Variants in LRRC4C observed in about 807,000 individuals in gnomAD.
The protein encoded by LRRC4C is leucine-rich repeat-containing protein 4C.
Under a neutral mutation model 33.6 loss-of-function variants are expected in LRRC4C, and 5 were observed. The ratio of observed to expected loss-of-function variants is 0.15; its 90% CI spans 0.08 to 0.31. LRRC4C has a LOEUF of 0.31. Ranked by LOEUF, LRRC4C falls within the 10% of genes least tolerant of loss-of-function variation. The pLI, the probability that LRRC4C is intolerant of heterozygous loss-of-function variation, is 1.00. For missense variants in LRRC4C, 560 were observed against 796.7 expected, an observed-to-expected ratio of 0.70 and a Z score of 3.58; for synonymous variants, 329 against 302.0, an observed-to-expected ratio of 1.09 and a Z score of -0.93.
At chr11:41,434,474 T>G (rs1955354730) in intron 1 of LRRC4C, among the ~76,000 whole-genome samples, 1 of 152,146 alleles carries the variant, frequency 6.6e-6, no homozygotes, top group Non-Finnish European at 1.5e-5. Context: ...GCCTCATTTT[T>G]GTATCTGCGA....
At chr11:41,164,188 T>A (rs796809759) in intron 1 of LRRC4C, among the ~76,000 whole-genome samples, 1 of 26,004 alleles carries the variant, frequency 3.8e-5, no homozygotes. Flanking sequence ...TTTTACCTTT[T>A]TTATTTTTTT....
chr11:40,209,206 C>T (rs1863396639), intron 5 of LRRC4C, among the ~76,000 whole-genome samples: 1 of 152,106 alleles, frequency 6.6e-6, no homozygotes, highest in Non-Finnish European at 1.5e-5. Context: ...GTTTATGCTT[C>T]CCCCAAGGTA....
intron 2 of LRRC4C, among the ~76,000 whole-genome samples, chr11:40,828,185 A>C: frequency 6.6e-6 from 1 of 151,130 alleles, no homozygotes; most frequent in East Asian, 1.9e-4. Context: ...ACACTCAAAA[A>C]CTAAATACAA....
intron 1 of LRRC4C, among the ~76,000 whole-genome samples, chr11:41,193,131 C>A (rs1946033774): frequency 6.6e-6 from 1 of 152,098 alleles, no homozygotes; most frequent in Admixed American, 6.6e-5. Context: ...TAAATACTAG[C>A]TACCAATCTT....
intron 3 of LRRC4C, among the ~76,000 whole-genome samples, chr11:40,544,202 C>T (rs556648429): frequency 1.3e-5 from 2 of 152,142 alleles, no homozygotes; most frequent in African/African-American, 4.8e-5. Flanking sequence ...AAAGGGCACC[C>T]ACACTTATCC....
chr11:40,210,549 T>C (rs1219190565), intron 5 of LRRC4C, among the ~76,000 whole-genome samples: 4 of 152,158 alleles, frequency 2.6e-5, no homozygotes, highest in Admixed American at 6.5e-5. Flanking sequence ...CTTCAAAGTT[T>C]TGAAAAATTA....
chr11:40,552,480 A>G (rs1957164558), intron 3 of LRRC4C, among the ~76,000 whole-genome samples: 1 of 152,154 alleles, frequency 6.6e-6, no homozygotes, highest in Non-Finnish European at 1.5e-5. Flanking sequence ...AAATCTCTAT[A>G]TTTAAGGAAC....
At chr11:40,170,796 T>C (rs1859983038) in intron 5 of LRRC4C, among the ~76,000 whole-genome samples, 1 of 152,180 alleles carries the variant, frequency 6.6e-6, no homozygotes, top group Admixed American at 6.5e-5. Flanking sequence ...TTCCAACACA[T>C]GAGCAAGAAA....
intron 1 of LRRC4C, among the ~76,000 whole-genome samples, chr11:41,117,024 A>G (rs1403503237): frequency 7.0e-6 from 1 of 142,500 alleles, no homozygotes; most frequent in Admixed American, 7.7e-5. Context: ...TGCTTTGGCC[A>G]GTAGAATGTC....
chr11:40,461,054 T>C (rs758709547), intron 3 of LRRC4C, among the ~76,000 whole-genome samples: 1 of 152,102 alleles, frequency 6.6e-6, no homozygotes, highest in African/African-American at 2.4e-5. Context: ...TGCCCAAGCC[T>C]AAAGTTTAAA....
chr11:41,420,058 T>C (rs1424335467), intron 1 of LRRC4C, among the ~76,000 whole-genome samples: 1 of 151,950 alleles, frequency 6.6e-6, no homozygotes, highest in Non-Finnish European at 1.5e-5. Flanking sequence ...TCGGGGAACA[T>C]CCTGCTTTGT....
At chr11:40,363,933 T>C (rs917177548) in intron 3 of LRRC4C, among the ~76,000 whole-genome samples, 1 of 152,220 alleles carries the variant, frequency 6.6e-6, no homozygotes, top group African/African-American at 2.4e-5. Context: ...CTGATTATAA[T>C]ATTTTTTGCT....
At chr11:41,019,650 G>T (rs570799380) in intron 1 of LRRC4C, among the ~76,000 whole-genome samples, 3 of 152,064 alleles carry the variant, frequency 2.0e-5, no homozygotes, top group African/African-American at 7.2e-5. Context: ...GTGTAAAAGC[G>T]TTCTTATTTA....
chr11:40,486,080 C>T (rs1439185644), intron 3 of LRRC4C, among the ~76,000 whole-genome samples: 1 of 149,360 alleles, frequency 6.7e-6, no homozygotes, highest in Non-Finnish European at 1.5e-5. Flanking sequence ...ATAATCTATA[C>T]AATAAACCCC....
chr11:41,196,332 T>G (rs1297976578), intron 1 of LRRC4C, among the ~76,000 whole-genome samples: 1 of 152,044 alleles, frequency 6.6e-6, no homozygotes, highest in African/African-American at 2.4e-5. Context: ...CTAGACTAGC[T>G]CCTTCATTTT....
chr11:40,237,207 G>A (rs750510715), intron 5 of LRRC4C, among the ~76,000 whole-genome samples: 5 of 152,180 alleles, frequency 3.3e-5, no homozygotes, highest in Admixed American at 6.6e-5. Flanking sequence ...CAAAGTGAAT[G>A]AAAAGTGCAA....
intron 1 of LRRC4C, among the ~76,000 whole-genome samples, chr11:40,971,440 G>C (rs976259628): frequency 6.6e-6 from 1 of 152,170 alleles, no homozygotes; most frequent in South Asian, 2.1e-4. Flanking sequence ...TGGGGGAGGA[G>C]GGAACAGAAT....
chr11:41,187,427 A>T (rs1945744213), intron 1 of LRRC4C, among the ~76,000 whole-genome samples: 1 of 152,186 alleles, frequency 6.6e-6, no homozygotes, highest in Non-Finnish European at 1.5e-5. Flanking sequence ...ACCAGTAGAA[A>T]GACGTGGAGT....
At chr11:40,703,091 T>G (rs191172693) in intron 2 of LRRC4C, among the ~76,000 whole-genome samples, 165 of 152,192 alleles carry the variant, frequency 1.1e-3, no homozygotes, top group Middle Eastern at 0.01. Flanking sequence ...GGGGCAATTT[T>G]ATACCTCAGG....
Sources: allele counts gnomAD v4.1 joint callset (sites outside exome capture counted in the v4.1 genomes callset), GRCh38; gene constraint gnomAD v4.1.1; transcripts MANE v1.5; gene names NCBI Gene and HGNC (gene_info 2026-07-23, HGNC 2026-07-21).